The following KCND2 variants were observed in gnomAD, a reference collection of about 807,000 sequenced individuals.
The protein encoded by KCND2 is A-type voltage-gated potassium channel KCND2.
A neutral mutation model predicts 54.4 loss-of-function variants in KCND2; 16 were observed. The observed-to-expected ratio is 0.29, with a 90% CI of 0.20 to 0.45. The LOEUF (loss-of-function observed/expected upper bound fraction) is 0.45, where lower values mean the gene tolerates loss of function less well. Among genes scored for constraint, KCND2 ranks in the 20% least tolerant of loss-of-function variants. The pLI is 1.00. For synonymous variants in KCND2, 317 were observed against 310.7 expected (o/e 1.02, Z -0.21); for missense variants, 486 against 824.2 (o/e 0.59, Z 5.02).
At chr7:120,330,405 C>T (rs1453834088) in intron 1 of KCND2, among the ~76,000 whole-genome samples, 1 of 151,758 alleles carries the variant, frequency 6.6e-6, no homozygotes, top group Non-Finnish European at 1.5e-5. Context: ...CATGGCAAAA[C>T]CCTGTCTCTA....
At chr7:120,486,583 C>T (rs1802696971) in intron 1 of KCND2, among the ~76,000 whole-genome samples, 1 of 151,878 alleles carries the variant, frequency 6.6e-6, no homozygotes, top group African/African-American at 2.4e-5. Flanking sequence ...GACTCCAGAC[C>T]CAGGTAGATC....
At chr7:120,596,766 A>G (rs964512748) in intron 1 of KCND2, among the ~76,000 whole-genome samples, 1 of 152,218 alleles carries the variant, frequency 6.6e-6, no homozygotes, top group Non-Finnish European at 1.5e-5. Flanking sequence ...ATACTAAAAA[A>G]TCAGTAAGAT....
intron 1 of KCND2, among the ~76,000 whole-genome samples, chr7:120,472,820 G>A (rs929379070): frequency 1.5e-4 from 23 of 152,194 alleles, no homozygotes; most frequent in Non-Finnish European, 2.6e-4. Context: ...TGGAACTAGG[G>A]AAGACATATA....
intron 1 of KCND2, among the ~76,000 whole-genome samples, chr7:120,450,107 G>T (rs1324572293): frequency 6.6e-6 from 1 of 152,142 alleles, no homozygotes; most frequent in Non-Finnish European, 1.5e-5. Context: ...CATAATAGGG[G>T]TTCAGTAAAA....
chr7:120,552,681 C>G (rs1792117409), intron 1 of KCND2, among the ~76,000 whole-genome samples: 1 of 152,164 alleles, frequency 6.6e-6, no homozygotes, highest in South Asian at 2.1e-4. Flanking sequence ...TGCCCTTCCC[C>G]TCTGAGTGTA....
At chr7:120,629,485 CG>C (rs1237915206) in intron 1 of KCND2, among the ~76,000 whole-genome samples, 1 of 151,640 alleles carries the variant, frequency 6.6e-6, no homozygotes, top group Non-Finnish European at 1.5e-5. Context: ...GACTCCGTCT[CG>C]GGGGTGGGGT....
intron 1 of KCND2, among the ~76,000 whole-genome samples, chr7:120,412,551 A>T (rs749641286): frequency 5.9e-5 from 9 of 151,768 alleles, no homozygotes; most frequent in Non-Finnish European, 1.5e-5. Flanking sequence ...TTGTTCCTCC[A>T]TATGTTTTCC....
intron 1 of KCND2, among the ~76,000 whole-genome samples, chr7:120,524,968 C>G (rs10278676): frequency 0.029 from 4,479 of 152,196 alleles, 209 homozygotes; most frequent in African/African-American, 0.1. Context: ...CCTTTTAATA[C>G]TTATAGATCT....
At chr7:120,300,873 C>T (rs1041946567) in intron 1 of KCND2, among the ~76,000 whole-genome samples, 1 of 152,010 alleles carries the variant, frequency 6.6e-6, no homozygotes, top group Admixed American at 6.6e-5. Context: ...GAAGGAAAAA[C>T]TGAACTTTTA....
chr7:120,458,267 G>C (rs537620607), intron 1 of KCND2, among the ~76,000 whole-genome samples: 2 of 152,168 alleles, frequency 1.3e-5, no homozygotes, highest in African/African-American at 4.8e-5. Context: ...TTTTTATGTA[G>C]GTCCTTGTAG....
rs1283703056 is a variant in KCND2 at position 120,678,418 on chromosome 7, TACAC to T, written c.1116-54481_1116-54478del. Among the ~76,000 whole-genome samples, 7 of 143,522 alleles carry T rather than the reference TACAC, an allele frequency of 4.9e-5. 1 individual carries two copies. The highest frequency in any genetic ancestry group is 1.8e-4 in the African/African-American group (7 of 39,322). The allele number at this position is 143,522 out of a possible 152,430, so 94.2% of individuals were successfully genotyped here. A position where few individuals can be genotyped will look rare whatever the true frequency, so the allele number is the denominator to read the frequency against. ...ACACATACACACATATATATACACA[TACAC>T]ACATATATATACACATTCATATGTG... is the stretch of plus-strand genomic sequence containing the variant. On this transcript the variant is annotated intron_variant, in intron 1 of 5. Coordinates refer to ENST00000331113, the MANE Select transcript of KCND2 (RefSeq NM_012281.3).
intron 1 of KCND2, among the ~76,000 whole-genome samples, chr7:120,287,843 A>G (rs1799369552): frequency 6.6e-6 from 1 of 152,156 alleles, no homozygotes. Flanking sequence ...ACTATGTCCC[A>G]ACAACAACAG....
At chr7:120,452,057 GT>G (rs1189338355) in intron 1 of KCND2, among the ~76,000 whole-genome samples, 4 of 152,064 alleles carry the variant, frequency 2.6e-5, no homozygotes, top group African/African-American at 9.7e-5. Flanking sequence ...ATTTAATCTT[GT>G]TATTTTACAG....
chr7:120,623,304 A>G (rs6950967), intron 1 of KCND2, among the ~76,000 whole-genome samples: 1 of 152,076 alleles, frequency 6.6e-6, no homozygotes, highest in African/African-American at 2.4e-5. Context: ...TAATAGTTCA[A>G]TCATGTTTGG....
chr7:120,522,933 T>C (rs1450308775), intron 1 of KCND2, among the ~76,000 whole-genome samples: 1 of 152,208 alleles, frequency 6.6e-6, no homozygotes, highest in Admixed American at 6.5e-5. Flanking sequence ...CTTCGTTACT[T>C]AGACATACCT....
chr7:120,319,547 C>T (rs1799862445), intron 1 of KCND2, among the ~76,000 whole-genome samples: 1 of 152,040 alleles, frequency 6.6e-6, no homozygotes, highest in South Asian at 2.1e-4. Flanking sequence ...GAAGCAAGTT[C>T]TTTTTCTGCT....
intron 1 of KCND2, among the ~76,000 whole-genome samples, chr7:120,383,834 G>A (rs1356460991): frequency 6.6e-6 from 1 of 152,074 alleles, no homozygotes; most frequent in African/African-American, 2.4e-5. Flanking sequence ...ATACTTCACA[G>A]TGCACCTTAT....
chr7:120,495,915 G>A (rs973254200), intron 1 of KCND2, among the ~76,000 whole-genome samples: 1 of 152,008 alleles, frequency 6.6e-6, no homozygotes, highest in Non-Finnish European at 1.5e-5. Context: ...GCCACATTCC[G>A]GGGACCAGTA....
intron 1 of KCND2, among the ~76,000 whole-genome samples, chr7:120,398,009 A>G (rs370153777): frequency 0.6 from 55,656 of 92,650 alleles, 16,423 homozygotes; most frequent in Non-Finnish European, 0.72. Context: ...ATATATATAT[A>G]TATATATATA....
Sources: gnomAD v4.1 joint callset for allele counts (sites outside exome capture counted in the v4.1 genomes callset) on GRCh38, gnomAD v4.1.1 for gene constraint, MANE v1.5 for transcripts, NCBI Gene and HGNC (gene_info 2026-07-23, HGNC 2026-07-21) for gene names.